GADL1: variants seen among roughly 807,000 people sequenced by gnomAD.
The protein encoded by GADL1 is acidic amino acid decarboxylase GADL1.
GADL1 carries 71 observed loss-of-function variants against 69.5 expected under a neutral mutation model. That is an observed-to-expected ratio of 1.02 (90% CI 0.84 to 1.25). The LOEUF (loss-of-function observed/expected upper bound fraction) is 1.25. Ranked by LOEUF, GADL1 falls within the 50% of genes most tolerant of loss-of-function variation. GADL1 has a pLI of 0.00. For missense variants in GADL1, 737 were observed against 631.8 expected (o/e 1.17, Z -1.79); for synonymous variants, 254 against 214.4 (o/e 1.18, Z -1.62).
intron 11 of GADL1, among the ~76,000 whole-genome samples, chr3:30,826,685 G>C (rs1008244723): frequency 6.6e-5 from 10 of 151,328 alleles, no homozygotes; most frequent in African/African-American, 2.2e-4. Context: ...ATGTCATTCT[G>C]TTCATTAGAA....
Position 30,765,036 on chromosome 3 carries a change from C to CGTTT in GADL1, c.1392+13142_1392+13143insAAAC, listed in dbSNP as rs562241189. Among the ~76,000 whole-genome samples, 91 of 151,726 alleles carry CGTTT rather than the reference C, an allele frequency of 6.0e-4. 1 individual carries two copies. In the East Asian group the frequency reaches 0.014, roughly 23 times the overall value. On this transcript the variant is annotated intron_variant, in intron 14 of 14. Coordinates refer to ENST00000282538, the MANE Select transcript of GADL1 (RefSeq NM_207359.3). ...ATCTGTAGTCACAACTGCAAATTGA[C>CGTTT]TTTTTCCTTCCGAACTGATGATTTG...
chr3:30,867,439 T>TATATATATATATATATATATATATATAC (rs1319135425), intron 1 of GADL1, among the ~76,000 whole-genome samples: 1,408 of 138,384 alleles, frequency 0.01, 44 homozygotes, highest in East Asian at 0.03. Flanking sequence ...TATATATATA[T>TATATATATATATATATATATATATATAC]ACACATATAT....
At chr3:30,846,000 C>T (rs1698046353) in intron 6 of GADL1, among the ~76,000 whole-genome samples, 4 of 150,714 alleles carry the variant, frequency 2.7e-5, no homozygotes. Flanking sequence ...GTGGAGCTAT[C>T]TTTAAGTACC....
chr3:30,861,309 A>C (rs1698317606), intron 2 of GADL1, among the ~76,000 whole-genome samples: 1 of 129,336 alleles, frequency 7.7e-6, no homozygotes, highest in Non-Finnish European at 1.7e-5. Flanking sequence ...TCTAGGGTGC[A>C]GGAAGTTTCA....
At chr3:30,734,613 A>T (rs1695513616) in intron 14 of GADL1, among the ~76,000 whole-genome samples, 2 of 152,202 alleles carry the variant, frequency 1.3e-5, no homozygotes, top group South Asian at 4.1e-4. Context: ...TTAGTCTTAT[A>T]TAAAAAAATT....
intron 8 of GADL1, among the ~76,000 whole-genome samples, chr3:30,842,435 TA>T (rs1697983364): frequency 6.6e-6 from 1 of 152,142 alleles, no homozygotes; most frequent in Non-Finnish European, 1.5e-5. Context: ...AGAATGGGTA[TA>T]TGAAGCCTCA....
In GADL1 at chr3:30,839,069, C is replaced by T. The variant is rs149815256; in HGVS notation, c.831G>A (p.Val277=). ...CATCCAGAGGGTCAAAAGCTCCCAA[C>T]ACAGTTGTACCAGAAGTGGCACAGA... ...FLVCATSGTT[V]LGAFDPLDEI... is the part of the protein sequence containing the mutation. The change falls in exon 9 of 15, where the codon GTG becomes GTA. Residue 277 remains valine (V), a synonymous_variant. Coordinates refer to ENST00000282538, the MANE Select transcript of GADL1 (RefSeq NM_207359.3). The T allele has an allele frequency of 2.5e-6, 4 of 1,606,508 alleles. No individual in the cohort carries two copies. The African/African-American group carries it at 5.4e-5, about 22-fold the overall frequency.
chr3:30,749,227 G>A (rs1695761320), intron 14 of GADL1, among the ~76,000 whole-genome samples: 1 of 151,394 alleles, frequency 6.6e-6, no homozygotes, highest in Admixed American at 6.6e-5. Context: ...GGAAATAAAT[G>A]CTGTGTTTGT....
chr3:30,815,627 G>A, intron 11 of GADL1, among the ~76,000 whole-genome samples: 1 of 152,162 alleles, frequency 6.6e-6, no homozygotes, highest in African/African-American at 2.4e-5. Flanking sequence ...GTTAGGTGGA[G>A]ATTTATAGGT....
chr3:30,834,197 C>T lies in GADL1; in HGVS notation c.968+20G>A. 2 of 1,606,622 alleles carry T rather than the reference C, an allele frequency of 1.2e-6. No homozygotes were observed. Among genetic ancestry groups the T allele is most frequent in the Non-Finnish European group, 1.7e-6 (2 of 1,173,880 alleles). ...CTTTGCCTGACAAAAGTTGGCTGTA[C>T]ACCAGGAAACTACATTTACCTGTGG... On this transcript the variant is annotated intron_variant, in intron 10 of 14. Transcript: ENST00000282538.
At chr3:30,844,593 A>T (rs969528091) in intron 6 of GADL1, 127 bp from the exon 7 acceptor site, 11 of 694,612 alleles carry the variant, frequency 1.6e-5, no homozygotes, top group Admixed American at 1.2e-4. Context: ...TGCATAAAAA[A>T]GTAATTTAAT....
At chr3:30,781,796 G>A (rs1696671005) in intron 13 of GADL1, among the ~76,000 whole-genome samples, 1 of 152,164 alleles carries the variant, frequency 6.6e-6, no homozygotes, top group African/African-American at 2.4e-5. Flanking sequence ...TACCGTGTCT[G>A]GCACACAGCA....
At chr3:30,829,264 G>A (rs1160569724) in intron 11 of GADL1, among the ~76,000 whole-genome samples, 1 of 151,684 alleles carries the variant, frequency 6.6e-6, no homozygotes. Flanking sequence ...ATTAGTGATA[G>A]TACAACTTTG....
At chr3:30,842,271 T>G (rs971112442) in intron 8 of GADL1, among the ~76,000 whole-genome samples, 3 of 152,224 alleles carry the variant, frequency 2.0e-5, no homozygotes, top group Non-Finnish European at 4.4e-5. Flanking sequence ...TATGGTATGT[T>G]GTTTAAGCAA....
At chr3:30,892,581 C>T (rs1372233119) in intron 1 of GADL1, among the ~76,000 whole-genome samples, 2 of 152,288 alleles carry the variant, frequency 1.3e-5, no homozygotes, top group East Asian at 3.9e-4. Flanking sequence ...CCACCACAAG[C>T]TACAGACATG....
Position 30,786,340 on chromosome 3 carries a change from T to TATGCAATC in GADL1, c.1302+7_1302+14dup, listed in dbSNP as rs1048255309. 1 of 1,513,724 alleles carries TATGCAATC rather than the reference T, an allele frequency of 6.6e-7. No homozygotes were observed. Among genetic ancestry groups the TATGCAATC allele is most frequent in the African/African-American group, 1.4e-5 (1 of 72,664 alleles). 93.8% of individuals were successfully genotyped at this position (1,513,724 alleles called of 1,614,324 possible). On this transcript the variant is annotated intron_variant, in intron 13 of 14. Coordinates refer to ENST00000282538, the MANE Select transcript of GADL1 (RefSeq NM_207359.3). Reference sequence around the variant, plus strand: ...TAACTGACAAAATCACAAGCACAATTATGCAATCACTTACTTCCATCAGTA... The same window carrying TATGCAATC: ...TAACTGACAAAATCACAAGCACAATTATGCAATCATGCAATCACTTACTTCCATCAGTA...
chr3:30,849,299 A>T (rs1297028484), intron 6 of GADL1, among the ~76,000 whole-genome samples: 2 of 152,172 alleles, frequency 1.3e-5, no homozygotes, highest in African/African-American at 2.4e-5. Context: ...TTATAGAATG[A>T]TAACTCTATA....
intron 9 of GADL1, among the ~76,000 whole-genome samples, chr3:30,834,983 A>G (rs1420229118): frequency 6.6e-6 from 1 of 152,106 alleles, no homozygotes; most frequent in Non-Finnish European, 1.5e-5. Context: ...CATAAATTTT[A>G]ATTTGTAGGA....
chr3:30,821,203 T>C (rs1169693221), intron 11 of GADL1, among the ~76,000 whole-genome samples: 6 of 151,950 alleles, frequency 3.9e-5, no homozygotes, highest in Non-Finnish European at 8.8e-5. Flanking sequence ...AGAGGAGGGA[T>C]AGCATTAGGA....
Sources: allele counts gnomAD v4.1 joint callset (sites outside exome capture counted in the v4.1 genomes callset), GRCh38; gene constraint gnomAD v4.1.1; transcripts MANE v1.5; gene names NCBI Gene and HGNC (gene_info 2026-07-23, HGNC 2026-07-21).